MAGI3: variants seen among roughly 807,000 people sequenced by gnomAD.
MAGI3 encodes the protein membrane-associated guanylate kinase, WW and PDZ domain-containing protein 3.
Under a neutral mutation model 121.8 loss-of-function variants are expected in MAGI3, and 43 were observed. That is an observed-to-expected ratio of 0.35 (90% CI 0.28 to 0.46). MAGI3 has a LOEUF of 0.46. Among genes scored for constraint, MAGI3 ranks in the 20% least tolerant of loss-of-function variants. The pLI is 1.00. For synonymous variants in MAGI3, 553 were observed against 639.3 expected (o/e 0.86, Z 2.04); for missense variants, 1,547 against 1,797.3 (o/e 0.86, Z 2.52).
intron 2 of MAGI3, among the ~76,000 whole-genome samples, chr1:113,567,702 A>G (rs548658195): frequency 6.6e-6 from 1 of 152,174 alleles, no homozygotes; most frequent in South Asian, 2.1e-4. Context: ...AAAAATACTC[A>G]ACAAATTAGG....
At chr1:113,649,359 T>TA in intron 13 of MAGI3, 31 bp downstream of exon 13, 2 of 1,512,596 alleles carry the variant, frequency 1.3e-6, no homozygotes, top group Non-Finnish European at 1.8e-6. Flanking sequence ...ACATGGCTGT[T>TA]TCCTGTTCAA....
At chr1:113,544,434 G>A (rs1330641580) in intron 1 of MAGI3, among the ~76,000 whole-genome samples, 3 of 152,180 alleles carry the variant, frequency 2.0e-5, no homozygotes, top group African/African-American at 7.2e-5. Flanking sequence ...TGCCTTTAAG[G>A]AAAACAGATA....
intron 1 of MAGI3, among the ~76,000 whole-genome samples, chr1:113,538,603 A>G (rs1007962110): frequency 2.6e-5 from 4 of 152,186 alleles, no homozygotes; most frequent in Admixed American, 2.0e-4. Context: ...AAAGGACCCA[A>G]TTTTGATTAT....
intron 2 of MAGI3, among the ~76,000 whole-genome samples, chr1:113,551,961 C>G (rs1486465852): frequency 6.6e-6 from 1 of 152,064 alleles, no homozygotes; most frequent in East Asian, 1.9e-4. Context: ...CCTTCCTTCT[C>G]TCCCATCATC....
chr1:113,414,006 C>T (rs1463284591), intron 1 of MAGI3, among the ~76,000 whole-genome samples: 4 of 152,072 alleles, frequency 2.6e-5, no homozygotes, highest in African/African-American at 9.7e-5. Flanking sequence ...ATGATATTGG[C>T]TGTGGGTTTG....
intron 1 of MAGI3, among the ~76,000 whole-genome samples, chr1:113,429,335 A>C (rs1489509555): frequency 6.6e-6 from 1 of 152,228 alleles, no homozygotes; most frequent in Non-Finnish European, 1.5e-5. Context: ...GAATTGGACA[A>C]AATGCACAAA....
At chr1:113,412,715 G>A (rs1652066353) in intron 1 of MAGI3, among the ~76,000 whole-genome samples, 1 of 147,232 alleles carries the variant, frequency 6.8e-6, no homozygotes, top group Non-Finnish European at 1.5e-5. Context: ...CTTTTTGGTG[G>A]GGTTTTTGTT....
At chr1:113,647,932 TTTC>T (rs1271627363) in intron 12 of MAGI3, among the ~76,000 whole-genome samples, 6 of 66,058 alleles carry the variant, frequency 9.1e-5, no homozygotes, top group African/African-American at 4.4e-4. Context: ...TTTTTTTTTT[TTTC>T]CCCTGAGACA....
intron 2 of MAGI3, among the ~76,000 whole-genome samples, chr1:113,554,623 G>A (rs1659913833): frequency 6.6e-6 from 1 of 151,830 alleles, no homozygotes; most frequent in Non-Finnish European, 1.5e-5. Flanking sequence ...GGCAGAACAG[G>A]ACTATGATGC....
At position 113,653,824 on chromosome 1, in the gene MAGI3, T is replaced by C. The variant is rs1557876267; in HGVS notation, c.2441-6T>C. On this transcript the variant is annotated splice_region_variant and splice_polypyrimidine_tract_variant and intron_variant, in intron 14 of 20. Transcript: ENST00000307546. ...GACATATCAAAACTGATCATGTTTA[T>C]TACAGAAAAACAACCCGAGGACGAC... The C allele has an allele frequency of 6.3e-7, 1 of 1,588,802 alleles. No homozygotes were observed. Among genetic ancestry groups the C allele is most frequent in the Non-Finnish European group, 8.5e-7 (1 of 1,170,396 alleles).
intron 1 of MAGI3, among the ~76,000 whole-genome samples, chr1:113,427,445 G>A (rs1340266169): frequency 6.6e-6 from 1 of 152,176 alleles, no homozygotes; most frequent in Non-Finnish European, 1.5e-5. Flanking sequence ...CTTGCCTTTG[G>A]CTTGTCAGCT....
intron 13 of MAGI3, 86 bp from the exon 14 acceptor site, chr1:113,650,928 G>GT: frequency 8.1e-7 from 1 of 1,242,196 alleles, no homozygotes; most frequent in Non-Finnish European, 1.1e-6. Context: ...AAATCTGTTG[G>GT]TTTGCACAAT....
At chr1:113,430,441 ATAT>A (rs757419694) in intron 1 of MAGI3, among the ~76,000 whole-genome samples, 8 of 152,210 alleles carry the variant, frequency 5.3e-5, no homozygotes, top group Non-Finnish European at 1.0e-4. Context: ...TGTCTGAGTA[ATAT>A]TATACAAAGT....
At chr1:113,485,258 G>A (rs1656330179) in intron 1 of MAGI3, among the ~76,000 whole-genome samples, 1 of 152,102 alleles carries the variant, frequency 6.6e-6, no homozygotes, top group Non-Finnish European at 1.5e-5. Flanking sequence ...CATAGTGATT[G>A]TTTGCATTCC....
Position 113,533,779 on chromosome 1 carries a change from C to CTT in MAGI3, c.317-15732_317-15731dup, listed in dbSNP as rs1369851533. 4.2e-3 allele frequency among the ~76,000 whole-genome samples: 587 copies of CTT among 140,110 alleles called. 2 individuals are homozygous for CTT. Among genetic ancestry groups the CTT allele is most frequent in the African/African-American group, 0.015 (567 of 39,042 alleles). The allele number at this position is 140,110 out of a possible 152,430, so 91.9% of individuals were successfully genotyped here. ...GATTTGGACTGTTTAAATATCTTTT[C>CTT]TTTTTCTTTTTTTTTTTTTTTGGAA... is the stretch of plus-strand genomic sequence containing the variant. On this transcript the variant is annotated intron_variant, in intron 1 of 20. Coordinates refer to ENST00000307546, the MANE Select transcript of MAGI3 (RefSeq NM_001142782.2).
intron 1 of MAGI3, among the ~76,000 whole-genome samples, chr1:113,441,928 G>A (rs1456499932): frequency 3.3e-5 from 5 of 152,160 alleles, no homozygotes; most frequent in Non-Finnish European, 5.9e-5. Flanking sequence ...AGATCTATAT[G>A]TGTAGAGAAT....
intron 1 of MAGI3, among the ~76,000 whole-genome samples, chr1:113,518,178 C>T (rs1658017849): frequency 1.3e-5 from 2 of 152,064 alleles, no homozygotes; most frequent in South Asian, 4.1e-4. Flanking sequence ...AAGAGTCTAT[C>T]TTTCTGTTCC....
At chr1:113,605,306 CAT>C (rs1200780118) in intron 6 of MAGI3, among the ~76,000 whole-genome samples, 3 of 152,040 alleles carry the variant, frequency 2.0e-5, no homozygotes, top group Non-Finnish European at 4.4e-5. Context: ...AAATACTACT[CAT>C]GAGTAAAAAG....
intron 1 of MAGI3, chr1:113,450,068 C>T (rs779182840): frequency 1.3e-6 from 2 of 1,534,402 alleles, no homozygotes; most frequent in Non-Finnish European, 1.8e-6. Context: ...TGAGAGACTT[C>T]TTTGAAAAGT....
Sources: gnomAD v4.1 joint callset for allele counts (sites outside exome capture counted in the v4.1 genomes callset) on GRCh38, gnomAD v4.1.1 for gene constraint, MANE v1.5 for transcripts, NCBI Gene and HGNC (gene_info 2026-07-23, HGNC 2026-07-21) for gene names.